PKNOX2: variants seen among roughly 807,000 people sequenced by gnomAD.
PKNOX2 encodes PBX/knotted 1 homeobox 2.
PKNOX2 carries 14 observed loss-of-function variants against 53.1 expected under a neutral mutation model. The observed-to-expected ratio is 0.26, with a 90% confidence interval of 0.17 to 0.41. The LOEUF is 0.41. PKNOX2 is among the 10% of genes least tolerant of loss of function. PKNOX2 has a pLI of 1.00. For missense variants in PKNOX2, 496 were observed against 602.8 expected, an observed-to-expected ratio of 0.82 and a Z score of 1.85; for synonymous variants, 257 against 242.8, an observed-to-expected ratio of 1.06 and a Z score of -0.54.
chr11:125,241,196 T>C (rs1943117288), intron 2 of PKNOX2, among the ~76,000 whole-genome samples: 1 of 152,044 alleles, frequency 6.6e-6, no homozygotes, highest in African/African-American at 2.4e-5. Flanking sequence ...TCCCTGTAAA[T>C]ACAGACACTC....
rs188903455 is a variant in PKNOX2, at chr11:125,413,601, A to G, written c.936+1736A>G. ...ATGCAGGGTCACAGGGGTGCTAGAA[A>G]GCTCATGGGCTTTTGAGGCAGCTGA... On this transcript the variant is annotated intron_variant, in intron 10 of 12. Transcript: ENST00000298282. Among the ~76,000 whole-genome samples the G allele has an allele frequency of 2.6e-3, 389 of 152,302 alleles. 4 individuals are homozygous for G. The highest frequency in any genetic ancestry group is 9.0e-3 in the African/African-American group (376 of 41,548).
intron 4 of PKNOX2, among the ~76,000 whole-genome samples, chr11:125,356,715 AG>A (rs1377335895): frequency 1.3e-5 from 2 of 152,184 alleles, no homozygotes; most frequent in Non-Finnish European, 2.9e-5. Context: ...TCCCTGTCCT[AG>A]CACCATCCCC....
At chr11:125,419,777 T>C (rs1338412519) in intron 10 of PKNOX2, among the ~76,000 whole-genome samples, 3 of 150,580 alleles carry the variant, frequency 2.0e-5, no homozygotes, top group Non-Finnish European at 4.4e-5. Context: ...ACAGTGATAA[T>C]CCCAGCACTT....
At chr11:125,223,877 T>G (rs552923747) in intron 1 of PKNOX2, among the ~76,000 whole-genome samples, 1 of 152,256 alleles carries the variant, frequency 6.6e-6, no homozygotes, top group African/African-American at 2.4e-5. Flanking sequence ...CAAGGGTTGG[T>G]AAAGGCATGA....
intron 12 of PKNOX2, among the ~76,000 whole-genome samples, chr11:125,430,357 G>T (rs949125505): frequency 6.6e-6 from 1 of 152,190 alleles, no homozygotes; most frequent in South Asian, 2.1e-4. Context: ...AAAAGCGGGA[G>T]TTGGTGGTCA....
At chr11:125,167,913 C>A (rs1437212723) in intron 1 of PKNOX2, among the ~76,000 whole-genome samples, 1 of 152,160 alleles carries the variant, frequency 6.6e-6, no homozygotes, top group Non-Finnish European at 1.5e-5. Flanking sequence ...TTCTGAAAGA[C>A]GAGTTTGCTT....
At chr11:125,399,652 G>A (rs1954618963) in intron 7 of PKNOX2, among the ~76,000 whole-genome samples, 1 of 152,184 alleles carries the variant, frequency 6.6e-6, no homozygotes, top group African/African-American at 2.4e-5. Context: ...AAGTAATGAG[G>A]ATTTAGTGCC....
rs1395198066 is a variant in PKNOX2, at chr11:125,411,767, C to G, written c.838C>G (p.Leu280Val). 3 of 1,614,184 alleles carry G rather than the reference C, an allele frequency of 1.9e-6. No individual in the cohort carries two copies. Among genetic ancestry groups the G allele is most frequent in the Non-Finnish European group, 2.5e-6 (3 of 1,180,026 alleles). The change falls in exon 10 of 13, where the codon CTC becomes GTC. Residue 280 changes from leucine (L) to valine (V), a missense_variant. Around this residue, in one of 5 missense-constraint regions of PKNOX2, gnomAD observed 141 missense variants for 143.9 expected, o/e 0.98. Transcript: ENST00000298282. Reference protein sequence around the residue: ...NTQVNLDLTSLLDNEDKKSKN... With the variant: ...NTQVNLDLTSVLDNEDKKSKN... ...GAAGGTTAACCTTGACCTCACCTCC[C>G]TCCTGGACAATGAGGATAAGAAGTC...
intron 9 of PKNOX2, chr11:125,411,246 T>G (rs1955492634): frequency 1.3e-5 from 4 of 307,840 alleles, no homozygotes; most frequent in Non-Finnish European, 1.2e-5. Flanking sequence ...CTAACCTCTC[T>G]GAGCCTCAGA....
chr11:125,387,421 C>T (rs1591552122), intron 6 of PKNOX2, among the ~76,000 whole-genome samples: 1 of 152,012 alleles, frequency 6.6e-6, no homozygotes, highest in Non-Finnish European at 1.5e-5. Context: ...TTTCTCATGC[C>T]CTGCCCACCA....
intron 2 of PKNOX2, among the ~76,000 whole-genome samples, chr11:125,279,574 C>T (rs577703313): frequency 1.3e-5 from 2 of 152,314 alleles, no homozygotes; most frequent in African/African-American, 4.8e-5. Context: ...TCCCGTGGCC[C>T]CAGCATCTGA....
At chr11:125,333,029 G>C (rs148797109) in intron 3 of PKNOX2, among the ~76,000 whole-genome samples, 7 of 152,350 alleles carry the variant, frequency 4.6e-5, no homozygotes, top group Non-Finnish European at 1.0e-4. Flanking sequence ...TGCAGGTCAA[G>C]TCTTCGCTGA....
intron 1 of PKNOX2, among the ~76,000 whole-genome samples, chr11:125,205,343 C>T: frequency 6.6e-6 from 1 of 152,186 alleles, no homozygotes; most frequent in East Asian, 1.9e-4. Context: ...AGTCTGAACC[C>T]AGGCCCAGGT....
intron 7 of PKNOX2, among the ~76,000 whole-genome samples, chr11:125,406,642 T>G (rs967265096): frequency 6.6e-6 from 1 of 152,164 alleles, no homozygotes; most frequent in African/African-American, 2.4e-5. Flanking sequence ...GCACTCGTCC[T>G]ACACTCAGAG....
intron 1 of PKNOX2, among the ~76,000 whole-genome samples, chr11:125,171,187 G>T (rs56243945): frequency 0.23 from 34,852 of 152,174 alleles, 4,451 homozygotes; most frequent in Non-Finnish European, 0.29. Flanking sequence ...CCCAGTAATC[G>T]GGCATCATGG....
At chr11:125,406,861 T>C (rs112968384) in intron 7 of PKNOX2, among the ~76,000 whole-genome samples, 12 of 132,314 alleles carry the variant, frequency 9.1e-5, no homozygotes, top group African/African-American at 3.2e-4. Context: ...TTTAGAAATA[T>C]AGATTGCTAG....
intron 10 of PKNOX2, among the ~76,000 whole-genome samples, chr11:125,416,302 C>CAAAAAA (rs61354494): frequency 7.0e-4 from 49 of 70,414 alleles, no homozygotes; most frequent in East Asian, 9.5e-4. Context: ...GACGCCGTCT[C>CAAAAAA]AAAAAAAAAA....
At chr11:125,216,021 G>C (rs1477470561) in intron 1 of PKNOX2, among the ~76,000 whole-genome samples, 2 of 152,166 alleles carry the variant, frequency 1.3e-5, no homozygotes, top group Admixed American at 1.3e-4. Flanking sequence ...CAACTTCATT[G>C]CTTCTCTAGA....
At chr11:125,189,443 G>GTATATATA (rs1565465134) in intron 1 of PKNOX2, among the ~76,000 whole-genome samples, 5 of 56,672 alleles carry the variant, frequency 8.8e-5, no homozygotes, top group Non-Finnish European at 9.6e-5. Flanking sequence ...GTGTGTGTGT[G>GTATATATA]TGTGTATATA....
Sources: gnomAD v4.1 joint callset for allele counts (sites outside exome capture counted in the v4.1 genomes callset) on GRCh38, gnomAD v4.1.1 for gene constraint, gnomAD v4.1.1 regional missense constraint, MANE v1.5 for transcripts, NCBI Gene and HGNC (gene_info 2026-07-23, HGNC 2026-07-21) for gene names.